Variants in RELCH observed in about 807,000 individuals in gnomAD.
RELCH encodes the protein RAB11-binding protein RELCH.
Under a neutral mutation model 150.3 loss-of-function variants are expected in RELCH, and 41 were observed. The observed-to-expected ratio is 0.27, with a 90% CI of 0.21 to 0.35. The LOEUF (loss-of-function observed/expected upper bound fraction) is 0.35, where lower values mean the gene tolerates loss of function less well. RELCH is among the 10% of genes least tolerant of loss of function. The pLI is 1.00. For synonymous variants in RELCH, 478 were observed against 531.8 expected, an observed-to-expected ratio of 0.90 and a Z score of 1.39; for missense variants, 1,092 against 1,467.8, an observed-to-expected ratio of 0.74 and a Z score of 4.18.
intron 15 of RELCH, 148 bp from the exon 16 acceptor site, chr18:62,261,363 C>G (rs1600129487): frequency 1.8e-6 from 1 of 552,056 alleles, no homozygotes; most frequent in Admixed American, 3.3e-5. Context: ...GATTCTACCA[C>G]TCTAGAGTGC....
intron 28 of RELCH, among the ~76,000 whole-genome samples, chr18:62,303,561 C>T (rs1285509040): frequency 6.6e-6 from 1 of 152,172 alleles, no homozygotes; most frequent in Non-Finnish European, 1.5e-5. Context: ...TTAAATCATA[C>T]TTATCTTTTG....
intron 28 of RELCH, among the ~76,000 whole-genome samples, chr18:62,303,011 G>C (rs777869697): frequency 3.3e-5 from 5 of 151,926 alleles, no homozygotes; most frequent in Admixed American, 6.6e-5. Flanking sequence ...TCTTTTCCTG[G>C]ATTAAAATCT....
intron 1 of RELCH, among the ~76,000 whole-genome samples, chr18:62,192,671 T>C (rs1172538329): frequency 6.6e-6 from 1 of 152,166 alleles, no homozygotes; most frequent in Admixed American, 6.6e-5. Context: ...GTTTTTGTCA[T>C]GTATGTCAAA....
At chr18:62,197,972 C>G (rs2039160407) in intron 1 of RELCH, among the ~76,000 whole-genome samples, 1 of 152,196 alleles carries the variant, frequency 6.6e-6, no homozygotes, top group Non-Finnish European at 1.5e-5. Context: ...CTGCCACTTA[C>G]TAGCTCTTTC....
At position 62,306,435 on chromosome 18, in the gene RELCH, A is replaced by G. The variant is rs570079538; in HGVS notation, c.*901A>G. ...ATTTATGTAAAACACTTTATTTAAG[A>G]TATTTTCTAATGATTTTAATTTTAG... is the stretch of plus-strand genomic sequence containing the variant. On this transcript the variant is annotated 3_prime_UTR_variant, in exon 29 of 29. Coordinates refer to ENST00000644646, the MANE Select transcript of RELCH (RefSeq NM_001346231.2). The G allele has an allele frequency of 9.8e-5, 15 of 152,314 alleles. No individual in the cohort carries two copies. Among genetic ancestry groups the G allele is most frequent in the African/African-American group, 3.6e-4 (15 of 41,580 alleles). 9.4% of individuals were successfully genotyped at this position (152,314 alleles called of 1,614,324 possible).
intron 17 of RELCH, 146 bp downstream of exon 17, chr18:62,264,291 A>T (rs747179220): frequency 9.8e-6 from 6 of 613,504 alleles, no homozygotes; most frequent in African/African-American, 2.0e-5. Flanking sequence ...GATTCACACC[A>T]TTGGATATGT....
chr18:62,230,570 CTG>C (rs1300179832), intron 8 of RELCH, among the ~76,000 whole-genome samples: 3 of 151,980 alleles, frequency 2.0e-5, no homozygotes, highest in African/African-American at 7.2e-5. Flanking sequence ...TACATAGAGA[CTG>C]GTGTTGTTTT....
At chr18:62,257,456 T>C (rs1053199611) in intron 13 of RELCH, among the ~76,000 whole-genome samples, 1 of 152,026 alleles carries the variant, frequency 6.6e-6, no homozygotes, top group Admixed American at 6.6e-5. Context: ...CAGACAAATT[T>C]TCTAATTGCC....
rs977270253 is a variant in RELCH, at chr18:62,306,211, A to T, written c.*677A>T. ...TGCTATTTAAACCTCCCCAGCACTT[A>T]GATGCATATAATGGACTTACCTGAG... On this transcript the variant is annotated 3_prime_UTR_variant, in exon 29 of 29. Transcript: ENST00000644646. 6.6e-6 allele frequency: 1 copy of T among 152,334 alleles called. No homozygotes were observed. The highest frequency in any genetic ancestry group is 2.4e-5 in the African/African-American group (1 of 41,462). 9.4% of individuals were successfully genotyped at this position (152,334 alleles called of 1,614,324 possible).
rs374281591 is a variant in RELCH at position 62,303,064 on chromosome 18, ATCTGGTAGAGGGG to A, written c.3531-2348_3531-2336del. ...AGGCCCTCTAAAACAAGTCTTTATC[ATCTGGTAGAGGGG>A]TGGGAGAGTGTTACAAACCCCTTTA... On this transcript the variant is annotated intron_variant, in intron 28 of 28. Transcript: ENST00000644646. 1.6e-3 allele frequency among the ~76,000 whole-genome samples: 239 copies of A among 152,106 alleles called. 1 individual carries two copies. Among genetic ancestry groups the A allele is most frequent in the African/African-American group, 5.4e-3 (223 of 41,490 alleles).
intron 15 of RELCH, among the ~76,000 whole-genome samples, chr18:62,261,057 A>G (rs1208476160): frequency 6.6e-6 from 1 of 152,050 alleles, no homozygotes; most frequent in African/African-American, 2.4e-5. Flanking sequence ...TGTTCCTAAC[A>G]CAAAGAAATG....
At chr18:62,246,550 A>T (rs1490193401) in intron 11 of RELCH, 1 of 152,256 alleles carries the variant, frequency 6.6e-6, no homozygotes, top group Non-Finnish European at 1.5e-5. Context: ...AACATTTGTG[A>T]AAAACACAGT....
intron 20 of RELCH, among the ~76,000 whole-genome samples, chr18:62,270,765 G>C (rs1290811643): frequency 6.6e-6 from 1 of 151,948 alleles, no homozygotes; most frequent in East Asian, 1.9e-4. Flanking sequence ...ATTTACATTA[G>C]GTATTTCTCC....
At chr18:62,208,643 C>T (rs1383448989) in intron 1 of RELCH, among the ~76,000 whole-genome samples, 1 of 152,060 alleles carries the variant, frequency 6.6e-6, no homozygotes, top group African/African-American at 2.4e-5. Context: ...ATTTTTTCTG[C>T]TCCTCTCCCT....
At chr18:62,279,276 T>C (rs888235575) in intron 22 of RELCH, among the ~76,000 whole-genome samples, 1 of 152,324 alleles carries the variant, frequency 6.6e-6, no homozygotes, top group East Asian at 1.9e-4. Context: ...GATTAGGAAT[T>C]GTCCTATATG....
intron 1 of RELCH, among the ~76,000 whole-genome samples, chr18:62,189,684 G>C (rs2148152015): frequency 6.6e-6 from 1 of 152,092 alleles, no homozygotes; most frequent in South Asian, 2.1e-4. Flanking sequence ...GTCTTATTAG[G>C]GCTATCATAG....
chr18:62,300,399 C>T (rs2045612655), intron 28 of RELCH: 1 of 152,196 alleles, frequency 6.6e-6, no homozygotes, highest in Non-Finnish European at 1.5e-5. Flanking sequence ...GGGAAGCCTT[C>T]CTTGACCCCA....
chr18:62,209,562 A>G (rs1390157169), intron 1 of RELCH, among the ~76,000 whole-genome samples: 2 of 151,372 alleles, frequency 1.3e-5, no homozygotes, highest in Admixed American at 6.6e-5. Flanking sequence ...TCAGTCCTCC[A>G]TCTTTATTCC....
chr18:62,263,441 G>A (rs1327701643), intron 16 of RELCH, among the ~76,000 whole-genome samples: 1 of 151,724 alleles, frequency 6.6e-6, no homozygotes, highest in Non-Finnish European at 1.5e-5. Flanking sequence ...TTTAACAGTA[G>A]CTATAAATGT....
Sources: allele counts gnomAD v4.1 joint callset (sites outside exome capture counted in the v4.1 genomes callset), GRCh38; gene constraint gnomAD v4.1.1; transcripts MANE v1.5; gene names NCBI Gene and HGNC (gene_info 2026-07-23, HGNC 2026-07-21).